Variants in OPHN1 observed in about 807,000 individuals in gnomAD.
OPHN1 encodes oligophrenin 1.
OPHN1 carries 11 observed loss-of-function variants against 60.7 expected under a neutral mutation model. The ratio of observed to expected loss-of-function variants is 0.18; its 90% CI spans 0.11 to 0.30. OPHN1 has a LOEUF of 0.30. Among genes scored for constraint, OPHN1 ranks in the 10% least tolerant of loss-of-function variants. The pLI is 1.00. For missense variants in OPHN1, 449 were observed against 611.0 expected, an observed-to-expected ratio of 0.73 and a Z score of 2.80; for synonymous variants, 226 against 222.6, an observed-to-expected ratio of 1.02 and a Z score of -0.14.
intron 9 of OPHN1, 93 bp downstream of exon 9, chrX:68,210,060 T>G: frequency 1.0e-6 from 1 of 979,963 alleles, no homozygotes; most frequent in Non-Finnish European, 1.4e-6. Flanking sequence ...CAGGGGTCTA[T>G]GAACAGTAAG....
chrX:68,127,229 T>C (rs983866025), intron 15 of OPHN1, among the ~76,000 whole-genome samples: 1 of 111,697 alleles, frequency 9.0e-6, no homozygotes. Context: ...CAGGAATCCC[T>C]CTGGAAAAAA....
chrX:68,147,282 A>T lies in OPHN1; in HGVS notation c.1277-27950T>A, dbSNP rs373851040. Among the ~76,000 whole-genome samples, 31 of 112,145 alleles carry T rather than the reference A, an allele frequency of 2.8e-4. No homozygotes were observed. The East Asian group carries it at 8.4e-3, about 30-fold the overall frequency. ...CCCAAGGATAACCTTAGTGAAGGAA[A>T]TGGGATAAGGAATCATAGAATTCAG... On this transcript the variant is annotated intron_variant, in intron 15 of 24. Coordinates refer to ENST00000355520, the MANE Select transcript of OPHN1 (RefSeq NM_002547.3).
intron 19 of OPHN1, among the ~76,000 whole-genome samples, chrX:68,085,378 C>T (rs964582283): frequency 8.9e-6 from 1 of 112,116 alleles, no homozygotes; most frequent in African/African-American, 3.2e-5. Context: ...TGACCATCTT[C>T]CATAAAGGAA....
intron 2 of OPHN1, among the ~76,000 whole-genome samples, chrX:68,400,320 T>C (rs2078707181): frequency 8.9e-6 from 1 of 111,736 alleles, no homozygotes; most frequent in African/African-American, 3.3e-5. Context: ...GCCAAGAACC[T>C]GGACAACTTG....
chrX:68,389,356 T>A (rs1415821595), intron 2 of OPHN1, among the ~76,000 whole-genome samples: 1 of 108,568 alleles, frequency 9.2e-6, no homozygotes, highest in Non-Finnish European at 1.9e-5. Flanking sequence ...TCATTTGAGA[T>A]CAGGAGTTAG....
intron 23 of OPHN1, among the ~76,000 whole-genome samples, chrX:68,049,359 C>G (rs2076843237): frequency 9.0e-6 from 1 of 111,724 alleles, no homozygotes; most frequent in Admixed American, 9.5e-5. Flanking sequence ...CCCATAAAAC[C>G]TGCTTCTCCA....
intron 5 of OPHN1, among the ~76,000 whole-genome samples, chrX:68,235,442 A>T (rs1002678017): frequency 4.5e-5 from 5 of 111,373 alleles, no homozygotes; most frequent in Non-Finnish European, 9.4e-5. Flanking sequence ...AGCAGGGGAC[A>T]CACGGATCAA....
At chrX:68,430,048 A>C (rs1018488365) in intron 2 of OPHN1, among the ~76,000 whole-genome samples, 4 of 111,865 alleles carry the variant, frequency 3.6e-5, no homozygotes, top group Admixed American at 9.5e-5. Flanking sequence ...AAAAAACAAA[A>C]AAAAAAAAAG....
At chrX:68,107,401 T>C (rs889024982) in intron 18 of OPHN1, among the ~76,000 whole-genome samples, 4 of 112,092 alleles carry the variant, frequency 3.6e-5, no homozygotes, top group South Asian at 3.7e-4. Context: ...ACTCTTTATT[T>C]CCTGCAAATT....
rs769478121 is a variant in OPHN1 at position 68,074,991 on chromosome X, A to C, written c.1687-1692T>G. On this transcript the variant is annotated intron_variant, in intron 19 of 24. Coordinates refer to ENST00000355520, the MANE Select transcript of OPHN1 (RefSeq NM_002547.3). ...AACAGCTACTATCTTATTCCGGCCA[A>C]GATAGGGCACAGAAACTAGTTTTAC... Among the ~76,000 whole-genome samples the C allele has an allele frequency of 6.2e-5, 7 of 112,956 alleles. No homozygotes were observed. In the South Asian group the frequency reaches 2.5e-3, roughly 41 times the overall value.
intron 19 of OPHN1, among the ~76,000 whole-genome samples, chrX:68,092,294 A>T (rs555208003): frequency 8.9e-6 from 1 of 112,052 alleles, no homozygotes; most frequent in African/African-American, 3.2e-5. Context: ...GCTCTCACAC[A>T]TATTATCTCT....
chrX:68,291,053 T>C (rs1304523350), intron 3 of OPHN1, among the ~76,000 whole-genome samples: 1 of 111,896 alleles, frequency 8.9e-6, no homozygotes, highest in African/African-American at 3.2e-5. Context: ...CCTAAGATCA[T>C]GTAGTCAGTA....
At position 68,046,725 on chromosome X, in the gene OPHN1, A is replaced by G. The variant is rs1265715882; in HGVS notation, c.*447T>C. 8.9e-6 allele frequency: 1 copy of G among 112,152 alleles called. No homozygotes were observed. Among genetic ancestry groups the G allele is most frequent in the African/African-American group, 3.2e-5 (1 of 30,818 alleles). The allele number at this position is 112,152 out of a possible 1,213,427, so 9.2% of individuals were successfully genotyped here. On this transcript the variant is annotated 3_prime_UTR_variant, in exon 25 of 25. Transcript: ENST00000355520. ...TATTCCCTTCCAACCAAGGTAAGCAATGGCCCCAACTCAAGTGGCCTTCAG... is the reference window on the plus strand; with the variant it reads ...TATTCCCTTCCAACCAAGGTAAGCAGTGGCCCCAACTCAAGTGGCCTTCAG...
Position 68,044,255 on chromosome X carries a change from C to T in OPHN1, c.*2917G>A, listed in dbSNP as rs2076825433. ...AGTAATGTGGCCTCTGTTCAAACAC[C>T]TACCACAGTGTGGCAAAGGGAAAAC... On this transcript the variant is annotated 3_prime_UTR_variant, in exon 25 of 25. Transcript: ENST00000355520. 1 of 112,351 alleles carries T rather than the reference C, an allele frequency of 8.9e-6. No individual in the cohort carries two copies. The highest frequency in any genetic ancestry group is 3.7e-4 in the South Asian group (1 of 2,706). The allele number at this position is 112,351 out of a possible 1,213,427, so 9.3% of individuals were successfully genotyped here.
intron 5 of OPHN1, among the ~76,000 whole-genome samples, chrX:68,252,322 C>A (rs1021646610): frequency 8.9e-6 from 1 of 112,242 alleles, no homozygotes; most frequent in Non-Finnish European, 1.9e-5. Flanking sequence ...GATATCTAAC[C>A]AATATGCAAG....
chrX:68,154,395 T>C (rs2077299066), intron 15 of OPHN1, among the ~76,000 whole-genome samples: 1 of 112,479 alleles, frequency 8.9e-6, no homozygotes, highest in Non-Finnish European at 1.9e-5. Context: ...CAAATAAATA[T>C]ATCACCTAAG....
intron 2 of OPHN1, among the ~76,000 whole-genome samples, chrX:68,380,156 G>T (rs1477564134): frequency 9.0e-6 from 1 of 111,188 alleles, no homozygotes; most frequent in African/African-American, 3.3e-5. Flanking sequence ...GTTTAATCTT[G>T]GGAGGGTGTA....
chrX:68,069,165 G>A (rs2076924123), intron 20 of OPHN1, among the ~76,000 whole-genome samples: 1 of 111,995 alleles, frequency 8.9e-6, no homozygotes. Flanking sequence ...GGCAAATTGA[G>A]GTCCAGAGAG....
At chrX:68,393,469 T>C (rs930688313) in intron 2 of OPHN1, among the ~76,000 whole-genome samples, 2 of 111,010 alleles carry the variant, frequency 1.8e-5, no homozygotes, top group African/African-American at 6.6e-5. Flanking sequence ...ATTTTAAATT[T>C]TGATTGAAAT....
Sources: gnomAD v4.1 joint callset for allele counts (sites outside exome capture counted in the v4.1 genomes callset) on GRCh38, gnomAD v4.1.1 for gene constraint, MANE v1.5 for transcripts, NCBI Gene and HGNC (gene_info 2026-07-23, HGNC 2026-07-21) for gene names.